The following MAPT variants were observed in gnomAD, a reference collection of about 807,000 sequenced individuals.
MAPT encodes the protein microtubule-associated protein tau.
Under a neutral mutation model 67.9 loss-of-function variants are expected in MAPT, and 34 were observed. The ratio of observed to expected loss-of-function variants is 0.50; its 90% CI spans 0.38 to 0.67. The LOEUF is 0.67. Ranked by LOEUF, MAPT falls within the 30% of genes least tolerant of loss-of-function variation. The pLI is 0.00. For synonymous variants in MAPT, 456 were observed against 464.5 expected, an observed-to-expected ratio of 0.98 and a Z score of 0.23; for missense variants, 881 against 1,115.2, an observed-to-expected ratio of 0.79 and a Z score of 2.99.
Position 46,010,254 on chromosome 17 carries a change from G to A in MAPT, c.1999-56G>A. 1.6e-6 allele frequency: 2 copies of A among 1,236,796 alleles called. No homozygotes were observed. The highest frequency in any genetic ancestry group is 1.5e-5 in the African/African-American group (1 of 67,048). 76.6% of individuals were successfully genotyped at this position (1,236,796 alleles called of 1,614,324 possible). On this transcript the variant is annotated intron_variant, in intron 9 of 12. Transcript: ENST00000262410. This position sits in a 1 kb window ranked among gnomAD's most constrained non-coding sequence, Gnocchi z 4.7. ...ATCGAAAGTGGAGGCGTCCTTGCGA[G>A]CAAGCAGGCGGGTCCAGGGTGGCGT...
intron 1 of MAPT, among the ~76,000 whole-genome samples, chr17:45,901,559 T>A (rs2063612933): frequency 6.6e-6 from 1 of 152,186 alleles, no homozygotes; most frequent in Non-Finnish European, 1.5e-5. Flanking sequence ...ATCCAATAAG[T>A]ATAGTCATTT....
intron 1 of MAPT, among the ~76,000 whole-genome samples, chr17:45,912,218 G>T (rs1172664432): frequency 6.6e-6 from 1 of 152,204 alleles, no homozygotes; most frequent in African/African-American, 2.4e-5. Context: ...TAGAATTTCA[G>T]ATAACAACAA....
At chr17:45,946,462 C>T (rs537472265) in intron 1 of MAPT, among the ~76,000 whole-genome samples, 17 of 150,938 alleles carry the variant, frequency 1.1e-4, no homozygotes, top group African/African-American at 3.9e-4. Context: ...ATTAGCCAGG[C>T]GTGGTGGGTG....
intron 1 of MAPT, among the ~76,000 whole-genome samples, chr17:45,956,117 T>C (rs1367240388): frequency 1.3e-5 from 2 of 152,210 alleles, no homozygotes. Context: ...TACTTAGAGT[T>C]AGTGCTCATG....
At chr17:46,011,909 G>C (rs1023276350) in intron 10 of MAPT, among the ~76,000 whole-genome samples, 1 of 152,178 alleles carries the variant, frequency 6.6e-6, no homozygotes, top group Non-Finnish European at 1.5e-5. Context: ...TGCGGCTGCT[G>C]CATGGGGCTA....
intron 1 of MAPT, among the ~76,000 whole-genome samples, chr17:45,950,773 A>G (rs1458350134): frequency 1.3e-5 from 2 of 152,034 alleles, no homozygotes; most frequent in Admixed American, 1.3e-4. Context: ...AGTGATTCTC[A>G]TGCCTCAGCC....
At chr17:45,970,020 C>G (rs1239224939) in intron 2 of MAPT, among the ~76,000 whole-genome samples, 8 of 149,126 alleles carry the variant, frequency 5.4e-5, no homozygotes, top group African/African-American at 2.0e-4. Context: ...CATCACCCAT[C>G]CATCCATCCA....
chr17:45,936,246 G>A (rs1048873864), intron 1 of MAPT, among the ~76,000 whole-genome samples: 1 of 152,168 alleles, frequency 6.6e-6, no homozygotes, highest in Admixed American at 6.5e-5. Flanking sequence ...GTTAGTTCAT[G>A]CCTTCCTCAT....
rs763182940 is a variant in MAPT, at chr17:45,983,454, A to G, written c.875A>G (p.Glu292Gly). The change falls in exon 5 of 13, where the codon GAG becomes GGG. Residue 292 changes from glutamate (E) to glycine (G), a missense_variant. Physicochemically the swap from Glu to Gly is moderately conservative, Grantham distance 98. Transcript: ENST00000262410. ...GGKERPGSKE[E>G]VDEDRDVDES... ...AAAGAGAGGCCGGGGAGCAAGGAGG[A>G]GGTGGATGAAGACCGCGACGTCGAT... 1 of 1,606,904 alleles carries G rather than the reference A, an allele frequency of 6.2e-7. No individual in the cohort carries two copies.
chr17:45,919,491 G>A (rs1489041642), intron 1 of MAPT, among the ~76,000 whole-genome samples: 2 of 152,226 alleles, frequency 1.3e-5, no homozygotes, highest in Non-Finnish European at 1.5e-5. Context: ...GTGGAAGATG[G>A]TGAGCTCACA....
Position 45,908,773 on chromosome 17 carries a change from C to T in MAPT, c.-18+14087C>T, listed in dbSNP as rs12601170. On this transcript the variant is annotated intron_variant, in intron 1 of 12. Coordinates refer to ENST00000262410, the MANE Select transcript of MAPT (RefSeq NM_001377265.1). Reference sequence around the variant, plus strand: ...CTAACTAAAAGCAAGAGTCATTTCTCAGTTCTGGTCTTGCCTCCCACGTTC... The same window carrying T: ...CTAACTAAAAGCAAGAGTCATTTCTTAGTTCTGGTCTTGCCTCCCACGTTC... Among the ~76,000 whole-genome samples the T allele has an allele frequency of 2.1e-3, 316 of 152,306 alleles. 4 individuals carry two copies. In the East Asian group the frequency reaches 0.046, roughly 22 times the overall value.
chr17:45,915,880 A>G lies in MAPT; in HGVS notation c.-18+21194A>G, dbSNP rs2065170029. Among the ~76,000 whole-genome samples the G allele has an allele frequency of 6.6e-6, 1 of 152,156 alleles. No homozygotes were observed. Among genetic ancestry groups the G allele is most frequent in the South Asian group, 2.1e-4 (1 of 4,832 alleles). On this transcript the variant is annotated intron_variant, in intron 1 of 12. Transcript: ENST00000262410. The surrounding 1 kb of genome is among the most constrained non-coding windows in gnomAD (Gnocchi z 4.4). ...GACGATCTTGATGCCAAATCCTTTT[A>G]TATCAAAAACAACCAGAACACTCTC...
chr17:46,007,373 G>C (rs759074211), intron 9 of MAPT, among the ~76,000 whole-genome samples: 8 of 152,118 alleles, frequency 5.3e-5, no homozygotes, highest in Non-Finnish European at 4.4e-5. Flanking sequence ...GGTAGTTCCA[G>C]CTACTTGGGA....
chr17:45,944,510 G>A (rs770841664), intron 1 of MAPT, among the ~76,000 whole-genome samples: 3 of 152,210 alleles, frequency 2.0e-5, no homozygotes, highest in East Asian at 1.9e-4. Context: ...TCGCCACATC[G>A]TGAGTCCTGG....
chr17:46,010,329 A>G lies in MAPT; in HGVS notation c.2018A>G (p.Lys673Arg). The G allele has an allele frequency of 5.7e-6, 9 of 1,576,860 alleles. No individual in the cohort carries two copies. The highest frequency in any genetic ancestry group is 6.9e-6 in the Non-Finnish European group (8 of 1,160,178). ...CCAAAGGTGCAGATAATTAATAAGA[A>G]GCTGGATCTTAGCAACGTCCAGTCC... is the stretch of plus-strand genomic sequence containing the variant. ...GGGKVQIINK[K>R]LDLSNVQSKC... Residue 673 changes from lysine to arginine, a missense_variant, in exon 10 of 13, where the codon AAG (lysine) becomes AGG (arginine). Coordinates refer to ENST00000262410, the MANE Select transcript of MAPT (RefSeq NM_001377265.1). This position sits in a 1 kb window ranked among gnomAD's most constrained non-coding sequence, Gnocchi z 4.7.
At chr17:45,950,154 C>T (rs937178038) in intron 1 of MAPT, among the ~76,000 whole-genome samples, 2 of 152,112 alleles carry the variant, frequency 1.3e-5, no homozygotes, top group African/African-American at 2.4e-5. Context: ...CACCTAGGGT[C>T]GCCATCCTGC....
intron 1 of MAPT, chr17:45,931,857 C>T (rs1399052573): frequency 1.3e-5 from 2 of 152,128 alleles, no homozygotes; most frequent in South Asian, 4.2e-4. Flanking sequence ...GAGGCTGAGG[C>T]AGGCATATCG....
Position 45,962,490 on chromosome 17 carries a change from C to T in MAPT, c.133+20C>T. On this transcript the variant is annotated intron_variant, in intron 2 of 12. Transcript: ENST00000262410. ...TGAAAGGTTAGTGGACAGCCATGCA[C>T]AGCAGGCCCAGATCACTGCAAGCCA... 6.2e-7 allele frequency: 1 copy of T among 1,611,984 alleles called. No homozygotes were observed. The highest frequency in any genetic ancestry group is 8.5e-7 in the Non-Finnish European group (1 of 1,179,658).
At chr17:46,002,998 G>A (rs1298498011) in intron 9 of MAPT, among the ~76,000 whole-genome samples, 1 of 152,012 alleles carries the variant, frequency 6.6e-6, no homozygotes, top group African/African-American at 2.4e-5. Flanking sequence ...CGCCCAGGAT[G>A]GTCTTGAACT....
Sources: gnomAD v4.1 joint callset for allele counts (sites outside exome capture counted in the v4.1 genomes callset) on GRCh38, gnomAD v4.1.1 for gene constraint, Gnocchi (gnomAD v3.1) non-coding constraint, MANE v1.5 for transcripts, NCBI Gene and HGNC (gene_info 2026-07-23, HGNC 2026-07-21) for gene names.